The following RAD51C variants were observed in gnomAD, a reference collection of about 807,000 sequenced individuals.
RAD51C encodes the protein RAD51 paralog C, also known as DNA repair protein RAD51 homolog 3.
A neutral mutation model predicts 45.0 loss-of-function variants in RAD51C; 42 were observed. The ratio of observed to expected loss-of-function variants is 0.93; its 90% CI spans 0.73 to 1.21. The LOEUF is 1.21. Ranked by LOEUF, RAD51C falls within the 50% of genes most tolerant of loss-of-function variation. RAD51C has a pLI of 0.00. For synonymous variants in RAD51C, 172 were observed against 159.8 expected (o/e 1.08, Z -0.58); for missense variants, 474 against 452.2 (o/e 1.05, Z -0.44).
intron 3 of RAD51C, among the ~76,000 whole-genome samples, chr17:58,702,899 G>A (rs964434601): frequency 1.3e-5 from 2 of 151,972 alleles, no homozygotes; most frequent in Non-Finnish European, 1.5e-5. Context: ...GGGGGGCGGC[G>A]ACGGATAGCA....
intron 4 of RAD51C, 46 bp downstream of exon 4, chr17:58,703,375 G>C (rs926760865): frequency 6.3e-7 from 1 of 1,580,654 alleles, no homozygotes; most frequent in Non-Finnish European, 8.7e-7. Flanking sequence ...TATTTTTTGA[G>C]GTGTTTGATA....
chr17:58,694,765 G>C, intron 1 of RAD51C, 166 bp from the exon 2 acceptor site: 1 of 761,680 alleles, frequency 1.3e-6, no homozygotes, highest in Admixed American at 2.1e-5. Context: ...ATGAGCCACT[G>C]TGTCCGGCCA....
chr17:58,719,293 G>A (rs572489910), intron 5 of RAD51C, among the ~76,000 whole-genome samples: 6 of 152,012 alleles, frequency 3.9e-5, no homozygotes, highest in Non-Finnish European at 8.8e-5. Flanking sequence ...GCTCACTGCT[G>A]CTTCAACCTC....
chr17:58,696,655 C>A (rs1332241102), intron 2 of RAD51C, 38 bp from the exon 3 acceptor site: 2 of 1,613,338 alleles, frequency 1.2e-6, no homozygotes, highest in Non-Finnish European at 1.7e-6. Flanking sequence ...CTTAGATCAT[C>A]ATCATGATTT....
intron 3 of RAD51C, 84 bp from the exon 4 acceptor site, chr17:58,703,112 T>C (rs1168821024): frequency 2.5e-5 from 36 of 1,457,668 alleles, no homozygotes; most frequent in Non-Finnish European, 3.4e-5. Flanking sequence ...AGGAGAACAT[T>C]TTGTTATTAA....
rs766221834 is a variant in RAD51C at position 58,695,181 on chromosome 17, A to T, written c.396A>T (p.Thr132=). The change falls in exon 2 of 9, where the codon ACA becomes ACT. Residue 132 remains threonine, a synonymous_variant. Transcript: ENST00000337432. ...EICGAPGVGK[T]QLCMQLAVDV... is the part of the protein sequence containing the mutation. ...GTGGTGCACCAGGTGTTGGAAAAACACAATTATGGTAAAATAAAGTGTTCT... is the reference window on the plus strand; with the variant it reads ...GTGGTGCACCAGGTGTTGGAAAAACTCAATTATGGTAAAATAAAGTGTTCT... 3.1e-6 allele frequency: 5 copies of T among 1,611,070 alleles called. No individual in the cohort carries two copies. The highest frequency in any genetic ancestry group is 4.2e-6 in the Non-Finnish European group (5 of 1,178,164).
At position 58,703,176 on chromosome 17, in the gene RAD51C, A is replaced by G; in HGVS notation, c.572-20A>G. ...ACATCCAAACAGGTAAAACTAATTA[A>G]GAGTGTTTTGTTGTTTCAGAACACC... On this transcript the variant is annotated intron_variant, in intron 3 of 8. Transcript: ENST00000337432. 1 of 1,608,464 alleles carries G rather than the reference A, an allele frequency of 6.2e-7. No homozygotes were observed. The highest frequency in any genetic ancestry group is 1.1e-5 in the South Asian group (1 of 90,912).
chr17:58,724,410 T>G (rs1250882477), intron 7 of RAD51C, among the ~76,000 whole-genome samples: 1 of 151,696 alleles, frequency 6.6e-6, no homozygotes, highest in Non-Finnish European at 1.5e-5. Context: ...TAGAAGGAGG[T>G]GAGTACTCTG....
At chr17:58,706,167 GC>G (rs1467166713) in intron 4 of RAD51C, 3 of 153,178 alleles carry the variant, frequency 2.0e-5, no homozygotes, top group African/African-American at 7.2e-5. Context: ...GGTGGCTCAT[GC>G]CTGTAATCCC....
Position 58,734,720 on chromosome 17 carries a change from G to A in RAD51C, c.*498G>A, listed in dbSNP as rs528226154. 23 of 156,830 alleles carry A rather than the reference G, an allele frequency of 1.5e-4. No individual in the cohort carries two copies. Among genetic ancestry groups the A allele is most frequent in the Non-Finnish European group, 2.9e-4 (21 of 73,294 alleles). The allele number at this position is 156,830 out of a possible 1,614,324, so 9.7% of individuals were successfully genotyped here. A position where few individuals can be genotyped will look rare whatever the true frequency, so the allele number is the denominator to read the frequency against. On this transcript the variant is annotated 3_prime_UTR_variant, in exon 9 of 9. Transcript: ENST00000337432. ...AGCGATTCATCTGCCTCAGCCTCCC[G>A]AGTAGCTGGGGTTACAGGCACCTGC...
At chr17:58,692,850 G>C (rs934163061) in intron 1 of RAD51C, 62 bp downstream of exon 1, 1 of 1,611,726 alleles carries the variant, frequency 6.2e-7, no homozygotes, top group Non-Finnish European at 8.5e-7. Flanking sequence ...CTCAGTCTTC[G>C]TTCTCTCGCC....
chr17:58,732,352 T>C (rs902602980), intron 7 of RAD51C, 132 bp from the exon 8 acceptor site: 13 of 747,670 alleles, frequency 1.7e-5, no homozygotes, highest in Non-Finnish European at 2.2e-6. Flanking sequence ...TCTCTCCTTT[T>C]TGTGTTCTTA....
Position 58,734,370 on chromosome 17 carries a change from A to G in RAD51C, c.*148A>G, listed in dbSNP as rs1006171166. ...AAGTGAATGGGAAAAATACCTAAAT[A>G]TGATTCTGTGAAAGTTTTTCTAAAG... On this transcript the variant is annotated 3_prime_UTR_variant, in exon 9 of 9. Transcript: ENST00000337432. The G allele has an allele frequency of 1.5e-6, 2 of 1,363,996 alleles. No individual in the cohort carries two copies. Among genetic ancestry groups the G allele is most frequent in the African/African-American group, 1.5e-5 (1 of 68,132 alleles). The allele number at this position is 1,363,996 out of a possible 1,614,324, so 84.5% of individuals were successfully genotyped here. A position where few individuals can be genotyped will look rare whatever the true frequency, so the allele number is the denominator to read the frequency against.
intron 3 of RAD51C, among the ~76,000 whole-genome samples, chr17:58,697,540 TAA>T (rs34530914): frequency 2.2e-3 from 228 of 103,950 alleles, no homozygotes; most frequent in African/African-American, 7.3e-3. Context: ...CTCTGTCTCT[TAA>T]AAAAAAAAAA....
At chr17:58,715,318 G>A (rs996914006) in intron 5 of RAD51C, among the ~76,000 whole-genome samples, 4 of 89,476 alleles carry the variant, frequency 4.5e-5, no homozygotes, top group South Asian at 2.9e-4. Flanking sequence ...GCCAGTTGTG[G>A]TGGCAGGTGC....
chr17:58,703,933 C>CCTTTTT (rs2048294257), intron 4 of RAD51C, among the ~76,000 whole-genome samples: 1 of 66,480 alleles, frequency 1.5e-5, no homozygotes. Context: ...CATGTATCAC[C>CCTTTTT]TTTTTTTTTT....
Position 58,703,202 on chromosome 17 carries a change from G to A in RAD51C, c.578G>A (p.Arg193Gln), listed in dbSNP as rs587782332. Residue 193 changes from arginine to glutamine, a missense_variant, in exon 4 of 9, where the codon CGA becomes CAA. Arg to Gln is a conservative substitution (Grantham distance 43). Coordinates refer to ENST00000337432, the MANE Select transcript of RAD51C (RefSeq NM_058216.3). The part of the protein sequence containing the change: ...IAEKHKGEEH[R>Q]KALEDFTLDN... ...GAGTGTTTTGTTGTTTCAGAACACC[G>A]AAAAGCTTTGGAGGATTTCACTCTT... is the stretch of plus-strand genomic sequence containing the variant. 6.2e-6 allele frequency: 10 copies of A among 1,611,692 alleles called. No homozygotes were observed. Among genetic ancestry groups the A allele is most frequent in the East Asian group, 2.2e-5 (1 of 44,812 alleles).
chr17:58,694,088 T>A (rs1163395206), intron 1 of RAD51C: 4 of 151,930 alleles, frequency 2.6e-5, no homozygotes, highest in Non-Finnish European at 5.9e-5. Context: ...GAAGCATAAA[T>A]GTATTCTTTA....
chr17:58,733,146 G>C (rs544742532), intron 8 of RAD51C, among the ~76,000 whole-genome samples: 4 of 152,204 alleles, frequency 2.6e-5, no homozygotes, highest in East Asian at 1.9e-4. Context: ...CTCCCTAGTA[G>C]CTGGGATTAT....
Sources: allele counts gnomAD v4.1 joint callset (sites outside exome capture counted in the v4.1 genomes callset), GRCh38; gene constraint gnomAD v4.1.1; transcripts MANE v1.5; gene names NCBI Gene and HGNC (gene_info 2026-07-23, HGNC 2026-07-21).